Variants in NRCAM observed in about 807,000 individuals in gnomAD.
NRCAM encodes neuronal cell adhesion molecule.
A neutral mutation model predicts 156.5 loss-of-function variants in NRCAM; 83 were observed. The ratio of observed to expected loss-of-function variants is 0.53; its 90% CI spans 0.44 to 0.64. The LOEUF (loss-of-function observed/expected upper bound fraction) is 0.64, where lower values mean the gene tolerates loss of function less well. Ranked by LOEUF, NRCAM falls within the 30% of genes least tolerant of loss-of-function variation. NRCAM has a pLI of 0.00. For missense variants in NRCAM, 1,417 were observed against 1,597.3 expected, an observed-to-expected ratio of 0.89 and a Z score of 1.92; for synonymous variants, 538 against 563.9, an observed-to-expected ratio of 0.95 and a Z score of 0.65.
chr7:108,394,826 C>G (rs1327449887), intron 2 of NRCAM, among the ~76,000 whole-genome samples: 2 of 152,090 alleles, frequency 1.3e-5, no homozygotes, highest in African/African-American at 4.8e-5. Context: ...CCTCATAGGT[C>G]TTATATATTA....
chr7:108,173,108 C>A lies in NRCAM; in HGVS notation c.3187+2214G>T, dbSNP rs180971836. Among the ~76,000 whole-genome samples, 322 of 151,664 alleles carry A rather than the reference C, an allele frequency of 2.1e-3. 1 individual carries two copies. The highest frequency in any genetic ancestry group is 7.5e-3 in the African/African-American group (309 of 41,300). ...TCAAACAGTTTTCCTGCCTCAGCCT[C>A]CTGAGTAGCTGGGATTACAGGCGCC... is the stretch of plus-strand genomic sequence containing the variant. On this transcript the variant is annotated intron_variant, in intron 28 of 32. Coordinates refer to ENST00000379028, the MANE Select transcript of NRCAM (RefSeq NM_001037132.4).
chr7:108,277,696 C>T (rs1217146131), intron 3 of NRCAM, among the ~76,000 whole-genome samples: 2 of 151,960 alleles, frequency 1.3e-5, no homozygotes, highest in Admixed American at 1.3e-4. Context: ...TTCTTTAGCT[C>T]GGAGAAGTGT....
chr7:108,402,942 A>T (rs1388861926), intron 1 of NRCAM, among the ~76,000 whole-genome samples: 2 of 150,668 alleles, frequency 1.3e-5, no homozygotes, highest in African/African-American at 4.8e-5. Flanking sequence ...GAGATAGCAG[A>T]AAGACCATAC....
chr7:108,250,495 C>T (rs577099336), intron 3 of NRCAM, among the ~76,000 whole-genome samples: 1 of 146,250 alleles, frequency 6.8e-6, no homozygotes, highest in Non-Finnish European at 1.5e-5. Context: ...ATAAGCCAGG[C>T]ACGGAAATAC....
chr7:108,163,209 ATAAAT>A (rs1208440992), intron 30 of NRCAM, among the ~76,000 whole-genome samples: 1 of 152,212 alleles, frequency 6.6e-6, no homozygotes, highest in African/African-American at 2.4e-5. Flanking sequence ...CCACAAAATG[ATAAAT>A]TAAACACATA....
At chr7:108,304,833 T>C (rs1458431861) in intron 3 of NRCAM, among the ~76,000 whole-genome samples, 2 of 152,152 alleles carry the variant, frequency 1.3e-5, no homozygotes, top group Admixed American at 6.5e-5. Flanking sequence ...GGTCTTTCCA[T>C]ACCCTAGATA....
intron 13 of NRCAM, among the ~76,000 whole-genome samples, chr7:108,204,962 G>T (rs1407249897): frequency 6.6e-6 from 1 of 152,112 alleles, no homozygotes; most frequent in African/African-American, 2.4e-5. Flanking sequence ...ATTTAAAAGG[G>T]GAGTGTTATT....
chr7:108,397,823 T>C (rs2099781275), intron 2 of NRCAM, among the ~76,000 whole-genome samples: 1 of 152,218 alleles, frequency 6.6e-6, no homozygotes, highest in Non-Finnish European at 1.5e-5. Context: ...AAAGACTGCT[T>C]TGAATTTCCT....
chr7:108,310,893 AAAG>A (rs1471291481), intron 3 of NRCAM, among the ~76,000 whole-genome samples: 7 of 152,218 alleles, frequency 4.6e-5, no homozygotes, highest in East Asian at 3.8e-4. Flanking sequence ...TGTATTGAGA[AAAG>A]AAGAATCGAG....
intron 3 of NRCAM, among the ~76,000 whole-genome samples, chr7:108,287,230 A>G (rs988325112): frequency 2.6e-5 from 4 of 152,084 alleles, no homozygotes; most frequent in African/African-American, 9.6e-5. Context: ...GAACAACTAT[A>G]AAAATGCTAA....
At chr7:108,266,547 T>G (rs1013405625) in intron 3 of NRCAM, among the ~76,000 whole-genome samples, 2 of 152,190 alleles carry the variant, frequency 1.3e-5, no homozygotes, top group Non-Finnish European at 2.9e-5. Flanking sequence ...TGATATTTTT[T>G]GGGGGGAATC....
intron 2 of NRCAM, among the ~76,000 whole-genome samples, chr7:108,380,148 T>A (rs562487220): frequency 6.6e-6 from 1 of 152,282 alleles, no homozygotes; most frequent in South Asian, 2.1e-4. Context: ...GATAAAAAAT[T>A]GTAACACTCA....
Position 108,178,068 on chromosome 7 carries a change from C to G in NRCAM, c.2896G>C (p.Asp966His), listed in dbSNP as rs1325830361. 6.2e-7 allele frequency: 1 copy of G among 1,613,356 alleles called. No individual in the cohort carries two copies. Among genetic ancestry groups the G allele is most frequent in the Admixed American group, 1.7e-5 (1 of 59,980 alleles). ...SSLKIVNPTLDSLTLEWDPPS... is the reference protein window; with the variant it reads ...SSLKIVNPTLHSLTLEWDPPS... ...GGATCCCATTCCAAAGTGAGAGAGT[C>G]CAGTGTTGGATTCACAATCTTCAAA... Residue 966 changes from aspartate (D) to histidine (H), a missense_variant, in exon 26 of 33, where the codon GAC becomes CAC. Around this residue, in one of 2 missense-constraint regions of NRCAM, gnomAD observed 1,238 missense variants for 1,336.4 expected, o/e 0.93. Coordinates refer to ENST00000379028, the MANE Select transcript of NRCAM (RefSeq NM_001037132.4).
At chr7:108,442,527 T>A (rs899981508) in intron 1 of NRCAM, among the ~76,000 whole-genome samples, 1 of 152,070 alleles carries the variant, frequency 6.6e-6, no homozygotes, top group Non-Finnish European at 1.5e-5. Context: ...TAAGATGGGG[T>A]GGTCTAGTAC....
At chr7:108,423,879 G>A (rs893128352) in intron 1 of NRCAM, among the ~76,000 whole-genome samples, 12 of 152,198 alleles carry the variant, frequency 7.9e-5, no homozygotes, top group Admixed American at 7.2e-4. Flanking sequence ...ATATGCTGAC[G>A]TCAGAGTGTT....
chr7:108,172,105 A>G (rs1231015519), intron 28 of NRCAM, among the ~76,000 whole-genome samples: 1 of 152,138 alleles, frequency 6.6e-6, no homozygotes, highest in Non-Finnish European at 1.5e-5. Context: ...ATTACCCTAT[A>G]AAAGTATTTT....
intron 2 of NRCAM, among the ~76,000 whole-genome samples, chr7:108,359,685 C>A (rs910756992): frequency 9.9e-5 from 15 of 152,008 alleles, no homozygotes; most frequent in African/African-American, 3.4e-4. Context: ...TGGTTAGCAA[C>A]CAAAATTTTT....
chr7:108,358,704 A>G (rs1400069416), intron 2 of NRCAM, among the ~76,000 whole-genome samples: 2 of 152,094 alleles, frequency 1.3e-5, no homozygotes, highest in African/African-American at 4.8e-5. Context: ...TGCCCTGAAC[A>G]CTGTAAGTCA....
chr7:108,186,777 T>C (rs548420596), intron 20 of NRCAM, among the ~76,000 whole-genome samples: 2 of 152,252 alleles, frequency 1.3e-5, no homozygotes, highest in African/African-American at 4.8e-5. Flanking sequence ...ATCTTAACAT[T>C]GTAAAGCTTC....
Sources: allele counts gnomAD v4.1 joint callset (sites outside exome capture counted in the v4.1 genomes callset), GRCh38; gene constraint gnomAD v4.1.1; regional missense constraint gnomAD v4.1.1; transcripts MANE v1.5; gene names NCBI Gene and HGNC (gene_info 2026-07-23, HGNC 2026-07-21).